Variants in POU6F2 observed in about 807,000 individuals in gnomAD.
The protein encoded by POU6F2 is POU domain, class 6, transcription factor 2.
A neutral mutation model predicts 71.3 loss-of-function variants in POU6F2; 31 were observed. The ratio of observed to expected loss-of-function variants is 0.43; its 90% CI spans 0.33 to 0.59. The LOEUF is 0.59. Among genes scored for constraint, POU6F2 ranks in the 20% least tolerant of loss-of-function variants. The probability of loss-of-function intolerance (pLI) is 0.04; values close to 1 mark genes in which losing one functional copy is unlikely to be tolerated. For missense variants in POU6F2, 783 were observed against 856.8 expected, an observed-to-expected ratio of 0.91 and a Z score of 1.07; for synonymous variants, 347 against 355.7, an observed-to-expected ratio of 0.98 and a Z score of 0.27.
At position 39,314,410 on chromosome 7, in the gene POU6F2, T is replaced by G. The variant is rs182607755; in HGVS notation, c.599-25232T>G. ...GAAGCAAGCTTCAGTATTTCTTTGA[T>G]GTAAGGGTAAAAGACCTTATGTGAG... On this transcript the variant is annotated intron_variant, in intron 4 of 9. Transcript: ENST00000518318. 1.0e-3 allele frequency among the ~76,000 whole-genome samples: 155 copies of G among 152,350 alleles called. 1 individual carries two copies. Among genetic ancestry groups the G allele is most frequent in the Admixed American group, 1.8e-3 (28 of 15,308 alleles).
intron 2 of POU6F2, among the ~76,000 whole-genome samples, chr7:39,101,604 G>T (rs1307903650): frequency 6.6e-6 from 1 of 152,024 alleles, no homozygotes; most frequent in Non-Finnish European, 1.5e-5. Flanking sequence ...GTCGGTCAAA[G>T]GGTAGAAAGT....
chr7:39,160,296 C>T (rs932502623), intron 2 of POU6F2, among the ~76,000 whole-genome samples: 6 of 152,100 alleles, frequency 3.9e-5, no homozygotes, highest in African/African-American at 1.2e-4. Flanking sequence ...TTCAGTAAAC[C>T]AGTGGTGGAA....
chr7:39,118,048 T>C (rs1366680938), intron 2 of POU6F2, among the ~76,000 whole-genome samples: 1 of 152,148 alleles, frequency 6.6e-6, no homozygotes, highest in Non-Finnish European at 1.5e-5. Context: ...AGAATGCTGA[T>C]AGCCATCCTT....
rs947957420 is a variant in POU6F2, at chr7:39,467,414, G to A, written c.*2728G>A. 6.6e-6 allele frequency: 1 copy of A among 151,912 alleles called. No homozygotes were observed. The highest frequency in any genetic ancestry group is 2.4e-5 in the African/African-American group (1 of 41,388). 9.4% of individuals were successfully genotyped at this position (151,912 alleles called of 1,614,324 possible). A position where few individuals can be genotyped will look rare whatever the true frequency, so the allele number is the denominator to read the frequency against. The stretch of plus-strand genomic sequence containing the variant: ...GTAAACAACTTCATATGCCAATGGC[G>A]TTTAAGTGTCTTTTATGTTTCCATG... On this transcript the variant is annotated 3_prime_UTR_variant, in exon 10 of 10. Transcript: ENST00000518318.
chr7:39,275,965 G>A (rs1784430499), intron 4 of POU6F2, among the ~76,000 whole-genome samples: 1 of 150,970 alleles, frequency 6.6e-6, no homozygotes, highest in Non-Finnish European at 1.5e-5. Flanking sequence ...GAAAACCTAG[G>A]CATTACCATT....
intron 6 of POU6F2, among the ~76,000 whole-genome samples, chr7:39,407,159 G>A (rs1474783116): frequency 6.6e-6 from 1 of 151,952 alleles, no homozygotes; most frequent in African/African-American, 2.4e-5. Flanking sequence ...TGCTGTGAGA[G>A]AGATATCAAA....
At chr7:39,050,219 A>G (rs1456626968) in intron 1 of POU6F2, among the ~76,000 whole-genome samples, 1 of 151,980 alleles carries the variant, frequency 6.6e-6, no homozygotes, top group Non-Finnish European at 1.5e-5. Context: ...TCATATTTTT[A>G]AGGCTGACTT....
chr7:38,984,989 T>C (rs1005166156), intron 1 of POU6F2: 3 of 152,046 alleles, frequency 2.0e-5, no homozygotes, highest in Non-Finnish European at 2.9e-5. Flanking sequence ...CATATACAGA[T>C]TTTTTTAAAG....
intron 1 of POU6F2, among the ~76,000 whole-genome samples, chr7:39,041,743 G>T (rs971200156): frequency 2.0e-5 from 3 of 151,654 alleles, no homozygotes; most frequent in African/African-American, 7.3e-5. Flanking sequence ...TTTGCCTTAT[G>T]ATATCTAGCT....
chr7:39,440,933 A>G (rs896146795), intron 7 of POU6F2, among the ~76,000 whole-genome samples: 4 of 152,010 alleles, frequency 2.6e-5, no homozygotes, highest in East Asian at 1.9e-4. Context: ...TTTCCTTTCA[A>G]TGGTCAAGTC....
intron 2 of POU6F2, among the ~76,000 whole-genome samples, chr7:39,112,764 G>T (rs867044829): frequency 6.6e-6 from 1 of 152,084 alleles, no homozygotes; most frequent in African/African-American, 2.4e-5. Flanking sequence ...ATTAGGCTTG[G>T]CTACGTAGCT....
chr7:39,138,707 T>C (rs190212383), intron 2 of POU6F2, among the ~76,000 whole-genome samples: 96 of 152,318 alleles, frequency 6.3e-4, no homozygotes, highest in Middle Eastern at 6.8e-3. Flanking sequence ...TACAATGTAA[T>C]AATAATAGAA....
chr7:38,997,048 CT>C (rs1281746038), intron 1 of POU6F2, among the ~76,000 whole-genome samples: 1 of 152,144 alleles, frequency 6.6e-6, no homozygotes, highest in Non-Finnish European at 1.5e-5. Flanking sequence ...TCACACATTT[CT>C]TTTTTTCAAA....
At chr7:39,187,254 C>G (rs1449641459) in intron 2 of POU6F2, among the ~76,000 whole-genome samples, 1 of 152,192 alleles carries the variant, frequency 6.6e-6, no homozygotes, top group Non-Finnish European at 1.5e-5. Flanking sequence ...AGCCTGTGCT[C>G]CTCGTCCTAA....
At chr7:39,262,983 C>T (rs1182448522) in intron 4 of POU6F2, among the ~76,000 whole-genome samples, 1 of 152,140 alleles carries the variant, frequency 6.6e-6, no homozygotes, top group East Asian at 1.9e-4. Context: ...CCATGTTCTG[C>T]TCATCTGATA....
At chr7:39,149,094 G>A (rs1792686622) in intron 2 of POU6F2, among the ~76,000 whole-genome samples, 1 of 152,138 alleles carries the variant, frequency 6.6e-6, no homozygotes, top group South Asian at 2.1e-4. Flanking sequence ...GCAGAGAAGG[G>A]GTCAAGGGGT....
chr7:38,985,165 T>C (rs886910526), intron 1 of POU6F2, among the ~76,000 whole-genome samples: 2 of 152,170 alleles, frequency 1.3e-5, no homozygotes, highest in Non-Finnish European at 2.9e-5. Context: ...AGAATGGAGC[T>C]GGACACACAA....
intron 2 of POU6F2, among the ~76,000 whole-genome samples, chr7:39,168,161 G>A (rs1248797917): frequency 6.6e-6 from 1 of 152,028 alleles, no homozygotes; most frequent in Non-Finnish European, 1.5e-5. Flanking sequence ...ACAAAATTAG[G>A]AATTTTGACC....
chr7:39,086,317 A>G (rs916863586), intron 2 of POU6F2, among the ~76,000 whole-genome samples: 3 of 152,096 alleles, frequency 2.0e-5, no homozygotes, highest in African/African-American at 7.2e-5. Flanking sequence ...AAGTGGTAAT[A>G]ATAATCAGGA....
Sources: allele counts gnomAD v4.1 joint callset (sites outside exome capture counted in the v4.1 genomes callset), GRCh38; gene constraint gnomAD v4.1.1; transcripts MANE v1.5; gene names NCBI Gene and HGNC (gene_info 2026-07-23, HGNC 2026-07-21).